The following ADAMTSL1 variants were observed in gnomAD, a reference collection of about 807,000 sequenced individuals.
The protein encoded by ADAMTSL1 is ADAMTS-like protein 1.
In ADAMTSL1, 126 loss-of-function variants were observed where a neutral mutation model predicts 201.8. The observed-to-expected ratio is 0.62, with a 90% confidence interval of 0.54 to 0.72. ADAMTSL1 has a LOEUF of 0.72. Among genes scored for constraint, ADAMTSL1 ranks in the 30% least tolerant of loss-of-function variants. The pLI, the probability that ADAMTSL1 is intolerant of heterozygous loss-of-function variation, is 0.00. For missense variants in ADAMTSL1, 2,679 were observed against 2,277.8 expected (o/e 1.18, Z -3.59); for synonymous variants, 1,121 against 903.4 (o/e 1.24, Z -4.32).
At chr9:18,257,630 A>C (rs1265745372) in intron 2 of ADAMTSL1, among the ~76,000 whole-genome samples, 2 of 152,220 alleles carry the variant, frequency 1.3e-5, no homozygotes, top group African/African-American at 4.8e-5. Flanking sequence ...GCAGCTTCTC[A>C]AAAAGTTAAG....
At chr9:18,351,252 C>T (rs62548634) in intron 2 of ADAMTSL1, among the ~76,000 whole-genome samples, 1 of 133,762 alleles carries the variant, frequency 7.5e-6, no homozygotes. Flanking sequence ...AGATGAAAGA[C>T]CAAAAAAAAA....
intron 2 of ADAMTSL1, among the ~76,000 whole-genome samples, chr9:18,277,959 G>A (rs1832648198): frequency 6.6e-6 from 1 of 151,766 alleles, no homozygotes; most frequent in South Asian, 2.1e-4. Context: ...TTTACTATCT[G>A]TGTCATTATC....
intron 1 of ADAMTSL1, among the ~76,000 whole-genome samples, chr9:18,028,191 G>C (rs115168469): frequency 6.6e-6 from 1 of 151,964 alleles, no homozygotes; most frequent in African/African-American, 2.4e-5. Flanking sequence ...TGTTCCTGTC[G>C]TGATATTGTT....
chr9:18,378,221 A>G (rs1837392210), intron 2 of ADAMTSL1, among the ~76,000 whole-genome samples: 2 of 152,218 alleles, frequency 1.3e-5, no homozygotes, highest in Admixed American at 6.5e-5. Flanking sequence ...CTTTAACCAA[A>G]TTAAAATGCA....
Position 18,299,443 on chromosome 9 carries a change from C to T in ADAMTSL1, c.207+135462C>T, listed in dbSNP as rs1464419762. 2.0e-5 allele frequency among the ~76,000 whole-genome samples: 3 copies of T among 152,178 alleles called. No individual in the cohort carries two copies. The South Asian group carries it at 6.2e-4, about 32-fold the overall frequency. On this transcript the variant is annotated intron_variant, in intron 2 of 29. Coordinates refer to the ADAMTSL1 transcript ENST00000680146. Reference sequence around the variant, plus strand: ...CAGTTGGAATGGCAGTTTAAAGATACTGACCAGATAAAGGCATTAGCAATC... The same window carrying T: ...CAGTTGGAATGGCAGTTTAAAGATATTGACCAGATAAAGGCATTAGCAATC...
chr9:18,897,902 G>T (rs1009122610), intron 26 of ADAMTSL1, among the ~76,000 whole-genome samples: 2 of 152,122 alleles, frequency 1.3e-5, no homozygotes, highest in Non-Finnish European at 2.9e-5. Context: ...AGTAGGCTGG[G>T]TGTGGTGGCT....
At chr9:18,586,855 C>T (rs991184719) in intron 4 of ADAMTSL1, among the ~76,000 whole-genome samples, 1 of 152,088 alleles carries the variant, frequency 6.6e-6, no homozygotes, top group Admixed American at 6.6e-5. Context: ...AAAGGACTCC[C>T]TATTCAATAA....
In ADAMTSL1 at chr9:18,394,458, G is replaced by T. The variant is rs937775412; in HGVS notation, c.208-110371G>T. ...GTAAATGTAAGACCAAATCAAAAAG[G>T]ATAGAAATATAAATGAATAGACCCA... On this transcript the variant is annotated intron_variant, in intron 2 of 29. Transcript: ENST00000680146. 1.3e-5 allele frequency among the ~76,000 whole-genome samples: 2 copies of T among 152,066 alleles called. 1 individual carries two copies. Among genetic ancestry groups the T allele is most frequent in the South Asian group, 4.1e-4 (2 of 4,828 alleles).
At chr9:18,099,343 ATATATATATATATTTTTTT>A (rs1824395917) in intron 1 of ADAMTSL1, among the ~76,000 whole-genome samples, 1 of 52,304 alleles carries the variant, frequency 1.9e-5, no homozygotes, top group South Asian at 6.2e-4. Flanking sequence ...ATATATATAT[ATATATATATATATTTTTTT>A]TTTTTTTTTT....
intron 1 of ADAMTSL1, among the ~76,000 whole-genome samples, chr9:18,072,331 T>C (rs1823007003): frequency 6.6e-6 from 1 of 152,204 alleles, no homozygotes; most frequent in Non-Finnish European, 1.5e-5. Context: ...AAAACAAAGA[T>C]GGCTGTCCAA....
At chr9:18,688,511 C>A (rs1269901797) in intron 13 of ADAMTSL1, among the ~76,000 whole-genome samples, 1 of 149,464 alleles carries the variant, frequency 6.7e-6, no homozygotes, top group Non-Finnish European at 1.5e-5. Context: ...TACTAAAACT[C>A]AGAAAACTTA....
chr9:18,706,874 G>C lies in ADAMTSL1; in HGVS notation c.1702G>C (p.Glu568Gln). The part of the protein sequence containing the change: ...SVADLPIDEC[E>Q]GPKPASQRAC... ...GGCTGACCTGCCTATTGACGAGTGT[G>C]AAGGGCCCAAGCCAGCATCCCAGCG... Residue 568 changes from glutamate (E) to glutamine (Q), a missense_variant, in exon 14 of 29, where the codon GAA (glutamate) becomes CAA (glutamine). Transcript: ENST00000380548. The C allele has an allele frequency of 6.2e-7, 1 of 1,613,820 alleles. No homozygotes were observed. Among genetic ancestry groups the C allele is most frequent in the Non-Finnish European group, 8.5e-7 (1 of 1,179,796 alleles).
intron 4 of ADAMTSL1, among the ~76,000 whole-genome samples, chr9:18,609,022 A>T (rs1825208854): frequency 6.6e-6 from 1 of 152,180 alleles, no homozygotes; most frequent in Admixed American, 6.6e-5. Flanking sequence ...TGATACATTC[A>T]TATGGGCAGG....
chr9:17,942,673 C>T (rs1563910439), intron 1 of ADAMTSL1, among the ~76,000 whole-genome samples: 1 of 152,112 alleles, frequency 6.6e-6, no homozygotes, highest in Non-Finnish European at 1.5e-5. Context: ...AACTCATGTG[C>T]CCTTGCTGCT....
chr9:18,474,361 G>C, intron 1 of ADAMTSL1, 66 bp downstream of exon 1: 1 of 1,475,912 alleles, frequency 6.8e-7, no homozygotes. Flanking sequence ...GGGGGTGTGT[G>C]TGTGTATGTG....
intron 1 of ADAMTSL1, among the ~76,000 whole-genome samples, chr9:18,031,367 G>A (rs142755607): frequency 3.9e-5 from 6 of 152,106 alleles, no homozygotes; most frequent in African/African-American, 1.4e-4. Context: ...GTGGTGTGTT[G>A]TGTATAGTTG....
Position 18,566,575 on chromosome 9 carries a change from G to C in ADAMTSL1, c.238-7455G>C, listed in dbSNP as rs558434382. Among the ~76,000 whole-genome samples, 135 of 152,274 alleles carry C rather than the reference G, an allele frequency of 8.9e-4. No homozygotes were observed. In the Middle Eastern group the frequency reaches 0.027, roughly 31 times the overall value. On this transcript the variant is annotated intron_variant, in intron 3 of 28. Coordinates refer to ENST00000380548, the MANE Select transcript of ADAMTSL1 (RefSeq NM_001040272.6). The stretch of plus-strand genomic sequence containing the variant: ...GATATTTGAGCAAAGACTTGATAAA[G>C]GTGAGGTAATTCGCTCCTCAGAATC...
chr9:18,304,905 C>A (rs138675982), intron 2 of ADAMTSL1, among the ~76,000 whole-genome samples: 14 of 152,194 alleles, frequency 9.2e-5, no homozygotes, highest in Admixed American at 7.8e-4. Context: ...AAACAGTGTA[C>A]GTTCCTGGGC....
chr9:18,906,026 G>A (rs532731558), intron 27 of ADAMTSL1, 135 bp downstream of exon 27: 94 of 746,804 alleles, frequency 1.3e-4, no homozygotes, highest in South Asian at 8.8e-4. Context: ...TCCATTCACC[G>A]CAAGCCACTG....
Sources: allele counts gnomAD v4.1 joint callset (sites outside exome capture counted in the v4.1 genomes callset), GRCh38; gene constraint gnomAD v4.1.1; transcripts MANE v1.5; gene names NCBI Gene and HGNC (gene_info 2026-07-23, HGNC 2026-07-21).